The following GOLM2 variants were observed in gnomAD, a reference collection of about 807,000 sequenced individuals.
GOLM2 encodes the protein golgi membrane protein 2, also known as protein GOLM2.
Under a neutral mutation model 55.9 loss-of-function variants are expected in GOLM2, and 26 were observed. That is an observed-to-expected ratio of 0.47 (90% CI 0.34 to 0.65). The LOEUF is 0.65. GOLM2 is among the 30% of genes least tolerant of loss of function. The pLI is 0.01. For missense variants in GOLM2, 486 were observed against 531.8 expected (o/e 0.91, Z 0.85); for synonymous variants, 165 against 194.6 (o/e 0.85, Z 1.27).
intron 6 of GOLM2, among the ~76,000 whole-genome samples, chr15:44,378,831 C>T (rs974092778): frequency 1.3e-5 from 2 of 151,252 alleles, no homozygotes; most frequent in Non-Finnish European, 2.9e-5. Flanking sequence ...CTGCAACTTC[C>T]GCCTCCCAGA....
intron 9 of GOLM2, among the ~76,000 whole-genome samples, chr15:44,408,026 G>A (rs1210089090): frequency 6.6e-6 from 1 of 151,994 alleles, no homozygotes; most frequent in African/African-American, 2.4e-5. Flanking sequence ...CTGGGATTAC[G>A]GCGTGAGCAA....
intron 1 of GOLM2, among the ~76,000 whole-genome samples, chr15:44,299,280 G>A (rs1283578875): frequency 6.6e-6 from 1 of 151,666 alleles, no homozygotes; most frequent in Non-Finnish European, 1.5e-5. Context: ...TTGATTTTTT[G>A]ACTAGATAAT....
At chr15:44,338,355 G>A (rs368979831) in intron 6 of GOLM2, 38 bp downstream of exon 6, 17 of 1,462,682 alleles carry the variant, frequency 1.2e-5, no homozygotes, top group African/African-American at 9.7e-5. Flanking sequence ...CTAAAGTGAT[G>A]ATAATACATT....
intron 1 of GOLM2, among the ~76,000 whole-genome samples, chr15:44,295,286 G>T (rs1248220208): frequency 1.3e-5 from 2 of 152,044 alleles, no homozygotes; most frequent in Non-Finnish European, 2.9e-5. Flanking sequence ...CACCATGTTG[G>T]CCAGGCTGGT....
At chr15:44,325,142 A>G (rs894646453) in intron 2 of GOLM2, among the ~76,000 whole-genome samples, 2 of 152,152 alleles carry the variant, frequency 1.3e-5, no homozygotes, top group Admixed American at 1.3e-4. Context: ...TATTAAGCCT[A>G]GTATCCATCA....
intron 6 of GOLM2, among the ~76,000 whole-genome samples, chr15:44,368,056 T>C (rs2079298200): frequency 6.6e-6 from 1 of 152,082 alleles, no homozygotes; most frequent in Admixed American, 6.6e-5. Context: ...ATTTCAGCAT[T>C]TATTCAGATC....
intron 9 of GOLM2, among the ~76,000 whole-genome samples, chr15:44,411,893 T>A (rs1261398322): frequency 6.6e-6 from 1 of 151,858 alleles, no homozygotes; most frequent in East Asian, 1.9e-4. Context: ...ATCAAAATAC[T>A]TTTCATTCTT....
At chr15:44,400,529 C>T (rs1372187531) in intron 8 of GOLM2, among the ~76,000 whole-genome samples, 1 of 144,424 alleles carries the variant, frequency 6.9e-6, no homozygotes, top group Non-Finnish European at 1.5e-5. Context: ...GTTGGTCAGG[C>T]TGGTCTTGAA....
chr15:44,303,449 A>G (rs544845536), intron 1 of GOLM2, among the ~76,000 whole-genome samples: 1 of 152,340 alleles, frequency 6.6e-6, no homozygotes, highest in Admixed American at 6.5e-5. Context: ...ATTCATTTAG[A>G]AACTCAAAAA....
intron 6 of GOLM2, among the ~76,000 whole-genome samples, chr15:44,361,301 A>G (rs1330656984): frequency 1.3e-5 from 2 of 152,238 alleles, no homozygotes; most frequent in African/African-American, 2.4e-5. Flanking sequence ...GACCGCTAGC[A>G]AGACTAATAA....
chr15:44,338,107 A>C lies in GOLM2; in HGVS notation c.722-130A>C, dbSNP rs373561971. 9 of 1,006,744 alleles carry C rather than the reference A, an allele frequency of 8.9e-6. No homozygotes were observed. In the East Asian group the frequency reaches 1.8e-4, roughly 20 times the overall value. The allele number at this position is 1,006,744 out of a possible 1,614,324, so 62.4% of individuals were successfully genotyped here. On this transcript the variant is annotated intron_variant, in intron 5 of 9. Coordinates refer to ENST00000299957, the MANE Select transcript of GOLM2 (RefSeq NM_138423.4). ...TTATTTTAGAGTTACAGCTATGTCC[A>C]AAGCAAGAGGTAAAGATGTTCAGTT...
chr15:44,339,530 G>A (rs2079077754), intron 6 of GOLM2, among the ~76,000 whole-genome samples: 1 of 151,860 alleles, frequency 6.6e-6, no homozygotes, highest in Non-Finnish European at 1.5e-5. Flanking sequence ...GTAGAGACGA[G>A]GTTTCACCAT....
intron 6 of GOLM2, among the ~76,000 whole-genome samples, chr15:44,342,123 C>A (rs570860151): frequency 6.6e-6 from 1 of 152,154 alleles, no homozygotes; most frequent in African/African-American, 2.4e-5. Flanking sequence ...TAATTTGGAA[C>A]TGGGAAAAAC....
intron 6 of GOLM2, among the ~76,000 whole-genome samples, chr15:44,349,848 A>G (rs2079150005): frequency 6.6e-6 from 1 of 152,212 alleles, no homozygotes. Flanking sequence ...GCATTTTGGG[A>G]ACTATACAAA....
chr15:44,383,300 G>A (rs576673943), intron 8 of GOLM2, among the ~76,000 whole-genome samples: 4 of 151,378 alleles, frequency 2.6e-5, no homozygotes, highest in South Asian at 2.1e-4. Context: ...CCTACTTTGC[G>A]TGTTCCTTTA....
chr15:44,379,199 G>A (rs909711229), intron 6 of GOLM2, among the ~76,000 whole-genome samples: 1 of 152,112 alleles, frequency 6.6e-6, no homozygotes, highest in Non-Finnish European at 1.5e-5. Context: ...TGATGGGGCC[G>A]GGCGCGGCGG....
chr15:44,332,503 T>C (rs1381392752), intron 4 of GOLM2, among the ~76,000 whole-genome samples: 3 of 150,814 alleles, frequency 2.0e-5, no homozygotes, highest in Admixed American at 6.6e-5. Flanking sequence ...GAGGTTACAA[T>C]GAGCCAAGAT....
intron 1 of GOLM2, among the ~76,000 whole-genome samples, chr15:44,294,054 GTTGGAGAGCTCC>G (rs1295254623): frequency 6.6e-6 from 1 of 152,128 alleles, no homozygotes; most frequent in Non-Finnish European, 1.5e-5. Flanking sequence ...GGCTCTGGCT[GTTGGAGAGCTCC>G]TTCATTAACT....
chr15:44,364,753 C>G (rs1489748397), intron 6 of GOLM2, among the ~76,000 whole-genome samples: 1 of 150,838 alleles, frequency 6.6e-6, no homozygotes, highest in Non-Finnish European at 1.5e-5. Context: ...AAAACCTAAA[C>G]AGACACCTCA....
Sources: gnomAD v4.1 joint callset for allele counts (sites outside exome capture counted in the v4.1 genomes callset) on GRCh38, gnomAD v4.1.1 for gene constraint, MANE v1.5 for transcripts, NCBI Gene and HGNC (gene_info 2026-07-23, HGNC 2026-07-21) for gene names.